NDUFA10: variants seen among roughly 807,000 people sequenced by gnomAD.
The protein encoded by NDUFA10 is NADH dehydrogenase [ubiquinone] 1 alpha subcomplex subunit 10, mitochondrial.
In NDUFA10, 40 loss-of-function variants were observed where a neutral mutation model predicts 47.8. The ratio of observed to expected loss-of-function variants is 0.84; its 90% CI spans 0.65 to 1.09. The LOEUF (loss-of-function observed/expected upper bound fraction) is 1.09, where lower values mean the gene tolerates loss of function less well. Among genes scored for constraint, NDUFA10 ranks in the 50% least tolerant of loss-of-function variants. NDUFA10 has a pLI of 0.00. For missense variants in NDUFA10, 413 were observed against 451.1 expected (o/e 0.92, Z 0.76); for synonymous variants, 183 against 172.2 (o/e 1.06, Z -0.49).
At chr2:239,947,439 C>T (rs1052039496) in intron 4 of NDUFA10, among the ~76,000 whole-genome samples, 2 of 152,204 alleles carry the variant, frequency 1.3e-5, no homozygotes, top group African/African-American at 4.8e-5. Flanking sequence ...GCCAAATGCT[C>T]GGCCTAAGGA....
intron 8 of NDUFA10, among the ~76,000 whole-genome samples, chr2:240,001,909 T>A (rs1696736949): frequency 6.6e-6 from 1 of 152,152 alleles, no homozygotes; most frequent in Non-Finnish European, 1.5e-5. Context: ...GGCCCTCAGG[T>A]TGAAATGTGT....
In NDUFA10 at chr2:239,987,544, C is replaced by CT. The variant is rs1296552782; in HGVS notation, c.999+2529dup. ...AAATGGTTCAGGAAAAGTTATTTTT[C>CT]TTTTTTTAGTTTGGAACATCCCAAA... On this transcript the variant is annotated intron_variant, in intron 9 of 9. Transcript: ENST00000252711. The surrounding 1 kb of genome is among the most constrained non-coding windows in gnomAD (Gnocchi z 4.8). 6.6e-6 allele frequency among the ~76,000 whole-genome samples: 1 copy of CT among 151,778 alleles called. No homozygotes were observed. Among genetic ancestry groups the CT allele is most frequent in the Non-Finnish European group, 1.5e-5 (1 of 67,940 alleles).
chr2:239,906,570 C>G lies in NDUFA10; in HGVS notation c.295-11256G>C, dbSNP rs1693659257. On this transcript the variant is annotated intron_variant, in intron 4 of 5. Transcript: ENST00000419408. This position sits in a 1 kb window ranked among gnomAD's most constrained non-coding sequence, Gnocchi z 4.3. ...CCTGTTGCTAAAACACAGAGGACAG[C>G]CCAAGATTTAAAGAAAATGGCAGTG... Among the ~76,000 whole-genome samples, 1 of 152,162 alleles carries G rather than the reference C, an allele frequency of 6.6e-6. No homozygotes were observed. The highest frequency in any genetic ancestry group is 2.4e-5 in the African/African-American group (1 of 41,436).
chr2:239,974,684 A>G (rs566227586), intron 9 of NDUFA10, among the ~76,000 whole-genome samples: 2 of 151,966 alleles, frequency 1.3e-5, no homozygotes, highest in African/African-American at 4.8e-5. Context: ...GTGACACTCT[A>G]CCACCAAAGA....
At chr2:239,909,204 A>C (rs1046017688) in intron 4 of NDUFA10, among the ~76,000 whole-genome samples, 2 of 146,316 alleles carry the variant, frequency 1.4e-5, no homozygotes, top group Admixed American at 1.3e-4. Flanking sequence ...GTGGGGTCTT[A>C]ATATTCACGT....
At chr2:239,996,645 C>T (rs967662765) in intron 8 of NDUFA10, among the ~76,000 whole-genome samples, 20 of 152,270 alleles carry the variant, frequency 1.3e-4, no homozygotes, top group African/African-American at 4.8e-4. Context: ...TGCTCAAGTC[C>T]CTTACATAAA....
intron 4 of NDUFA10, among the ~76,000 whole-genome samples, chr2:239,948,925 T>A (rs781631204): frequency 2.6e-5 from 4 of 152,244 alleles, no homozygotes; most frequent in Non-Finnish European, 4.4e-5. Flanking sequence ...GAGAAGGCTC[T>A]CTACTTCAAA....
At chr2:239,942,446 A>G (rs555036187) in intron 4 of NDUFA10, among the ~76,000 whole-genome samples, 32 of 152,320 alleles carry the variant, frequency 2.1e-4, no homozygotes, top group African/African-American at 7.5e-4. Flanking sequence ...CAGCCTTGCT[A>G]TGTCGTTTGT....
intron 8 of NDUFA10, among the ~76,000 whole-genome samples, chr2:239,991,732 A>T (rs1696256410): frequency 6.6e-6 from 1 of 152,258 alleles, no homozygotes. Context: ...GTGATCTCAC[A>T]ATAAGAAATT....
intron 4 of NDUFA10, among the ~76,000 whole-genome samples, chr2:239,900,315 CATATATAT>C (rs142452963): frequency 1.2e-4 from 17 of 142,624 alleles, no homozygotes; most frequent in South Asian, 4.5e-4. Context: ...AACTCCCCTT[CATATATAT>C]ATATATATAT....
chr2:239,912,509 G>T (rs1693772436), intron 4 of NDUFA10, among the ~76,000 whole-genome samples: 1 of 152,208 alleles, frequency 6.6e-6, no homozygotes, highest in Admixed American at 6.5e-5. Context: ...CACCCTTCTG[G>T]GGTCTTTCCT....
intron 4 of NDUFA10, among the ~76,000 whole-genome samples, chr2:239,899,808 G>A (rs775836302): frequency 1.3e-5 from 2 of 151,658 alleles, no homozygotes; most frequent in Non-Finnish European, 2.9e-5. Context: ...GCAGCATCCA[G>A]CACACAAAAC....
intron 9 of NDUFA10, among the ~76,000 whole-genome samples, chr2:239,963,859 A>G (rs4308150): frequency 0.99 from 150,334 of 152,294 alleles, 74,203 homozygotes; most frequent in East Asian, 1. Context: ...GGAGTGAGGC[A>G]CACAGGCCAC....
At chr2:240,014,540 G>T in intron 5 of NDUFA10, 199 bp downstream of exon 5, 1 of 762,976 alleles carries the variant, frequency 1.3e-6, no homozygotes, top group Non-Finnish European at 2.2e-6. Flanking sequence ...CGGCAGGCCC[G>T]CAGGCTGTGG....
At chr2:239,916,706 G>A (rs752871097) in intron 4 of NDUFA10, among the ~76,000 whole-genome samples, 6 of 152,252 alleles carry the variant, frequency 3.9e-5, no homozygotes, top group Non-Finnish European at 7.3e-5. Context: ...CTGCTCCCAG[G>A]ACGGCACCTT....
In NDUFA10 at chr2:239,999,297, T is replaced by C. The variant is rs535375511; in HGVS notation, c.890+5913A>G. Among the ~76,000 whole-genome samples, 125 of 152,336 alleles carry C rather than the reference T, an allele frequency of 8.2e-4. 1 individual carries two copies. Among genetic ancestry groups the C allele is most frequent in the Admixed American group, 2.9e-3 (44 of 15,308 alleles). Reference sequence around the variant, plus strand: ...CGGTGAATGCCGACCGTCCTCTGCATTCTCTGGGTGGACAGTCTGGGGCTG... The same window carrying C: ...CGGTGAATGCCGACCGTCCTCTGCACTCTCTGGGTGGACAGTCTGGGGCTG... On this transcript the variant is annotated intron_variant, in intron 8 of 9. Transcript: ENST00000252711.
chr2:239,990,288 T>C, intron 8 of NDUFA10, 106 bp from the exon 9 acceptor site: 1 of 852,412 alleles, frequency 1.2e-6, no homozygotes, highest in East Asian at 2.6e-5. Context: ...AATCTATATA[T>C]CCCAATAAAT....
chr2:240,011,478 A>T, intron 6 of NDUFA10, 139 bp downstream of exon 6: 2 of 709,744 alleles, frequency 2.8e-6, no homozygotes, highest in Admixed American at 2.3e-5. Context: ...TGTTTTTCTT[A>T]TTTATAAACA....
rs377040202 is a variant in NDUFA10 at position 239,906,351 on chromosome 2, C to T, written c.295-11037G>A. 9.2e-4 allele frequency among the ~76,000 whole-genome samples: 140 copies of T among 152,242 alleles called. No homozygotes were observed. The highest frequency in any genetic ancestry group is 3.1e-3 in the African/African-American group (129 of 41,534). On this transcript the variant is annotated intron_variant, in intron 4 of 5. Transcript: ENST00000419408. This position sits in a 1 kb window ranked among gnomAD's most constrained non-coding sequence, Gnocchi z 4.3. ...CTGACCACGCCCTGTTGATAGACGCCGAGGCCATTTTCTGGGATACTCAGG... is the reference window on the plus strand; with the variant it reads ...CTGACCACGCCCTGTTGATAGACGCTGAGGCCATTTTCTGGGATACTCAGG...
Sources: allele counts gnomAD v4.1 joint callset (sites outside exome capture counted in the v4.1 genomes callset), GRCh38; gene constraint gnomAD v4.1.1; non-coding constraint Gnocchi (gnomAD v3.1); transcripts MANE v1.5; gene names NCBI Gene and HGNC (gene_info 2026-07-23, HGNC 2026-07-21).